The following SMG6 variants were observed in gnomAD, a reference collection of about 807,000 sequenced individuals.
SMG6 encodes telomerase-binding protein EST1A.
Under a neutral mutation model 142.2 loss-of-function variants are expected in SMG6, and 66 were observed. The ratio of observed to expected loss-of-function variants is 0.46; its 90% CI spans 0.38 to 0.57. The LOEUF is 0.57. SMG6 is among the 20% of genes least tolerant of loss of function. SMG6 has a pLI of 0.00. For missense variants in SMG6, 1,793 were observed against 1,832.0 expected, an observed-to-expected ratio of 0.98 and a Z score of 0.39; for synonymous variants, 779 against 702.4, an observed-to-expected ratio of 1.11 and a Z score of -1.72.
intron 13 of SMG6, among the ~76,000 whole-genome samples, chr17:2,099,996 G>A (rs1408583147): frequency 6.6e-6 from 1 of 151,794 alleles, no homozygotes; most frequent in East Asian, 1.9e-4. Flanking sequence ...CTGAGTAGCT[G>A]GGACTACAGG....
At position 2,247,324 on chromosome 17, in the gene SMG6, A is replaced by C. The variant is rs1339767533; in HGVS notation, c.2662-2605T>G. ...TTTCCACAGATAGGATGTTATTTCA[A>C]ATAAAAAGTTAAGAATACACATTCT... On this transcript the variant is annotated intron_variant, in intron 8 of 18. Transcript: ENST00000263073. Among the ~76,000 whole-genome samples, 3 of 152,208 alleles carry C rather than the reference A, an allele frequency of 2.0e-5. No homozygotes were observed. In the East Asian group the frequency reaches 5.8e-4, roughly 29 times the overall value.
intron 13 of SMG6, among the ~76,000 whole-genome samples, chr17:2,159,806 T>C (rs540929034): frequency 3.1e-4 from 47 of 152,306 alleles, no homozygotes; most frequent in African/African-American, 1.1e-3. Flanking sequence ...AACTGTGATA[T>C]ATCCATACAA....
intron 13 of SMG6, among the ~76,000 whole-genome samples, chr17:2,169,559 CAG>C (rs765980220): frequency 6.6e-6 from 1 of 152,096 alleles, no homozygotes; most frequent in Admixed American, 6.6e-5. Context: ...CAGCCGAGTA[CAG>C]AGTGTTTCCG....
rs558903272 is a variant in SMG6, at chr17:2,266,186, G to A, written c.2661+16461C>T. 38 of 985,354 alleles carry A rather than the reference G, an allele frequency of 3.9e-5. 1 individual carries two copies. In the South Asian group the frequency reaches 8.5e-4, roughly 22 times the overall value. 61.0% of individuals were successfully genotyped at this position (985,354 alleles called of 1,614,324 possible). On this transcript the variant is annotated intron_variant, in intron 8 of 18. Transcript: ENST00000263073. Reference sequence around the variant, plus strand: ...CAAACCAAGGCCTGGAAATTCTGACGGGTATCTGGGTCCTGACTTTCCGGA... The same window carrying A: ...CAAACCAAGGCCTGGAAATTCTGACAGGTATCTGGGTCCTGACTTTCCGGA...
chr17:2,163,022 AG>A (rs2071229338), intron 13 of SMG6, among the ~76,000 whole-genome samples: 1 of 151,888 alleles, frequency 6.6e-6, no homozygotes, highest in African/African-American at 2.4e-5. Flanking sequence ...TATAGAGACA[AG>A]GTCTCATTAT....
chr17:2,298,135 T>C (rs2075184813), intron 2 of SMG6, 80 bp from the exon 3 acceptor site: 9 of 1,302,396 alleles, frequency 6.9e-6, no homozygotes, highest in Non-Finnish European at 8.4e-6. Context: ...TTCCTGCAAA[T>C]TAACCACCTC....
At chr17:2,163,638 A>G (rs2071246035) in intron 13 of SMG6, among the ~76,000 whole-genome samples, 1 of 152,114 alleles carries the variant, frequency 6.6e-6, no homozygotes, top group Non-Finnish European at 1.5e-5. Flanking sequence ...GTTATTATCT[A>G]CAAATAAAAA....
At chr17:2,278,667 A>C (rs950087715) in intron 8 of SMG6, among the ~76,000 whole-genome samples, 2 of 152,190 alleles carry the variant, frequency 1.3e-5, no homozygotes, top group Non-Finnish European at 1.5e-5. Context: ...TCTGCTTAAA[A>C]TCCTTAGTAC....
In SMG6 at chr17:2,068,792, A is replaced by T; in HGVS notation, c.3821T>A (p.Val1274Glu). The T allele has an allele frequency of 2.5e-6, 4 of 1,614,104 alleles. No individual in the cohort carries two copies. Among genetic ancestry groups the T allele is most frequent in the Non-Finnish European group, 3.4e-6 (4 of 1,179,984 alleles). ...GCCTGACTCACCGATGAGGGGCACC[A>T]CCAGGATGTACTTCCTGCTCTCCAG... The part of the protein sequence containing the change: ...RLLESRKYIL[V>E]VPLIVINELD... The change falls in exon 16 of 19, where the codon GTG becomes GAG. Residue 1274 changes from valine (V) to glutamate (E), a missense_variant. Val to Glu is a moderately radical substitution (Grantham distance 121). Coordinates refer to ENST00000263073, the MANE Select transcript of SMG6 (RefSeq NM_017575.5). This position sits in a 1 kb window ranked among gnomAD's most constrained non-coding sequence, Gnocchi z 6.7.
chr17:2,226,408 G>A (rs1476244853), intron 10 of SMG6, among the ~76,000 whole-genome samples: 2 of 149,796 alleles, frequency 1.3e-5, no homozygotes, highest in African/African-American at 2.5e-5. Flanking sequence ...GTGAAACCCC[G>A]TCTTACTAAA....
rs1358606978 is a variant in SMG6, at chr17:2,068,939, G to A, written c.3682-8C>T. ...GTGGTCCTCCAGGACAGCCTATGGG[G>A]ACAGAGTGGTGAATGAGCCAGACAG... On this transcript the variant is annotated splice_polypyrimidine_tract_variant and splice_region_variant and intron_variant, in intron 15 of 18. Transcript: ENST00000263073. This position sits in a 1 kb window ranked among gnomAD's most constrained non-coding sequence, Gnocchi z 6.7. 9.3e-6 allele frequency: 15 copies of A among 1,613,458 alleles called. No individual in the cohort carries two copies. The highest frequency in any genetic ancestry group is 1.3e-5 in the Non-Finnish European group (15 of 1,179,652).
At chr17:2,245,338 T>G (rs185515472) in intron 8 of SMG6, among the ~76,000 whole-genome samples, 1 of 152,228 alleles carries the variant, frequency 6.6e-6, no homozygotes, top group African/African-American at 2.4e-5. Flanking sequence ...ACTCCAGTTT[T>G]GGCCAAATCC....
intron 10 of SMG6, among the ~76,000 whole-genome samples, chr17:2,205,569 C>T (rs755754460): frequency 6.6e-6 from 1 of 152,030 alleles, no homozygotes; most frequent in Admixed American, 6.6e-5. Context: ...CTACCATAAA[C>T]GGACTTAAAA....
At chr17:2,295,111 C>T (rs1250468125) in intron 4 of SMG6, among the ~76,000 whole-genome samples, 3 of 152,140 alleles carry the variant, frequency 2.0e-5, no homozygotes, top group Non-Finnish European at 4.4e-5. Context: ...CTCCTGACCT[C>T]AGGTGATCTG....
chr17:2,265,420 G>A (rs1214185643), intron 8 of SMG6, among the ~76,000 whole-genome samples: 1 of 152,056 alleles, frequency 6.6e-6, no homozygotes, highest in Non-Finnish European at 1.5e-5. Context: ...TGAGGCAGGA[G>A]AAACGCTTGA....
intron 10 of SMG6, among the ~76,000 whole-genome samples, chr17:2,219,303 T>C (rs2073106600): frequency 6.6e-6 from 1 of 152,104 alleles, no homozygotes; most frequent in African/African-American, 2.4e-5. Context: ...GAGAATAGCT[T>C]GAACCTGGGA....
At chr17:2,226,332 G>A (rs1385913861) in intron 10 of SMG6, among the ~76,000 whole-genome samples, 4 of 151,178 alleles carry the variant, frequency 2.6e-5, no homozygotes, top group Non-Finnish European at 5.9e-5. Context: ...TGTAATCCCA[G>A]GACTCTGGGA....
chr17:2,232,472 C>T (rs369494810), intron 10 of SMG6, among the ~76,000 whole-genome samples: 11 of 152,122 alleles, frequency 7.2e-5, no homozygotes, highest in East Asian at 1.9e-4. Context: ...AAACACTGCT[C>T]GGTGAGAGCT....
intron 13 of SMG6, among the ~76,000 whole-genome samples, chr17:2,146,710 C>T (rs1482355392): frequency 3.3e-5 from 5 of 152,104 alleles, no homozygotes; most frequent in Non-Finnish European, 5.9e-5. Flanking sequence ...GGACTACAGG[C>T]GCATGCTGCC....
Sources: allele counts gnomAD v4.1 joint callset (sites outside exome capture counted in the v4.1 genomes callset), GRCh38; gene constraint gnomAD v4.1.1; non-coding constraint Gnocchi (gnomAD v3.1); transcripts MANE v1.5; gene names NCBI Gene and HGNC (gene_info 2026-07-23, HGNC 2026-07-21).